Variants in SND1 observed in about 807,000 individuals in gnomAD.
SND1 encodes the protein staphylococcal nuclease and tudor domain containing 1.
SND1 carries 38 observed loss-of-function variants against 121.7 expected under a neutral mutation model. The observed-to-expected ratio is 0.31, with a 90% CI of 0.24 to 0.41. The LOEUF is 0.41. Ranked by LOEUF, SND1 falls within the 10% of genes least tolerant of loss-of-function variation. The probability of loss-of-function intolerance (pLI) is 1.00; values close to 1 mark genes in which losing one functional copy is unlikely to be tolerated. For synonymous variants in SND1, 401 were observed against 447.4 expected (o/e 0.90, Z 1.31); for missense variants, 868 against 1,184.6 (o/e 0.73, Z 3.92).
At chr7:128,016,485 G>A (rs1415785441) in intron 16 of SND1, among the ~76,000 whole-genome samples, 2 of 152,288 alleles carry the variant, frequency 1.3e-5, no homozygotes, top group African/African-American at 4.8e-5. Flanking sequence ...GAAACCAGTC[G>A]TTTGGTGAGC....
At chr7:128,026,327 A>T (rs1193008198) in intron 16 of SND1, among the ~76,000 whole-genome samples, 2 of 152,192 alleles carry the variant, frequency 1.3e-5, no homozygotes, top group African/African-American at 4.8e-5. Flanking sequence ...GCCCATACAT[A>T]TGTGCTGGCA....
intron 12 of SND1, among the ~76,000 whole-genome samples, chr7:127,878,598 T>C (rs1799732980): frequency 6.6e-6 from 1 of 152,106 alleles, no homozygotes; most frequent in Non-Finnish European, 1.5e-5. Context: ...AGCATTTGTA[T>C]TTTTCTCCGT....
At chr7:127,931,776 A>T (rs1283464476) in intron 15 of SND1, among the ~76,000 whole-genome samples, 1 of 152,228 alleles carries the variant, frequency 6.6e-6, no homozygotes, top group African/African-American at 2.4e-5. Flanking sequence ...CTTAAGAATG[A>T]TGCTAAATCT....
At chr7:127,721,904 T>C (rs1287514280) in intron 10 of SND1, among the ~76,000 whole-genome samples, 9 of 152,198 alleles carry the variant, frequency 5.9e-5, no homozygotes, top group Non-Finnish European at 1.3e-4. Context: ...AGTTAAACTG[T>C]TTGCTATTTT....
At chr7:127,767,326 A>G (rs956125467) in intron 10 of SND1, among the ~76,000 whole-genome samples, 4 of 152,188 alleles carry the variant, frequency 2.6e-5, no homozygotes, top group African/African-American at 9.7e-5. Flanking sequence ...GTGGGGGCCC[A>G]GCTTCCTATC....
intron 16 of SND1, among the ~76,000 whole-genome samples, chr7:128,004,009 AAC>A (rs1302728395): frequency 1.3e-5 from 2 of 150,828 alleles, no homozygotes; most frequent in African/African-American, 4.9e-5. Context: ...TTTCCACTCT[AAC>A]ACATCAGCAG....
At chr7:128,002,835 C>T (rs1180944414) in intron 16 of SND1, among the ~76,000 whole-genome samples, 1 of 152,186 alleles carries the variant, frequency 6.6e-6, no homozygotes, top group Non-Finnish European at 1.5e-5. Flanking sequence ...CACAACAATC[C>T]AGGATTGCCA....
intron 13 of SND1, among the ~76,000 whole-genome samples, chr7:127,893,438 T>C (rs1260631696): frequency 6.6e-6 from 1 of 152,152 alleles, no homozygotes; most frequent in Non-Finnish European, 1.5e-5. Flanking sequence ...AATCTGGCTC[T>C]TTGCAGGAAA....
chr7:127,980,032 T>G (rs1338266111), intron 15 of SND1, among the ~76,000 whole-genome samples: 1 of 152,206 alleles, frequency 6.6e-6, no homozygotes, highest in African/African-American at 2.4e-5. Flanking sequence ...GCTTGGCCTG[T>G]GCTCTTGGAG....
chr7:127,906,592 A>G (rs1010021586), intron 14 of SND1, among the ~76,000 whole-genome samples: 3 of 152,194 alleles, frequency 2.0e-5, no homozygotes, highest in African/African-American at 7.2e-5. Flanking sequence ...CCAAAAACTT[A>G]TGTGGGGCCC....
chr7:127,748,737 G>A (rs1797024715), intron 10 of SND1, among the ~76,000 whole-genome samples: 2 of 152,210 alleles, frequency 1.3e-5, no homozygotes, highest in Admixed American at 1.3e-4. Context: ...GCAGGAGAAA[G>A]TGTTTCAGGA....
In SND1 at chr7:128,014,989, T is replaced by C. The variant is rs188303339; in HGVS notation, c.1779+23933T>C. Among the ~76,000 whole-genome samples, 635 of 152,356 alleles carry C rather than the reference T, an allele frequency of 4.2e-3. 5 individuals are homozygous for C. The highest frequency in any genetic ancestry group is 7.1e-3 in the Non-Finnish European group (480 of 68,036). On this transcript the variant is annotated intron_variant, in intron 16 of 23. Transcript: ENST00000354725. ...ATATCTTGTCAGATATTTCAAGCTT[T>C]AAGTCCTTATTCGTGCTCTGCCTAC...
At chr7:127,751,892 G>A (rs1465820783) in intron 10 of SND1, among the ~76,000 whole-genome samples, 3 of 152,226 alleles carry the variant, frequency 2.0e-5, no homozygotes, top group Admixed American at 6.5e-5. Context: ...GATGAGGCAC[G>A]ACGCTTCCCC....
In SND1 at chr7:127,694,871, T is replaced by C; in HGVS notation, c.272T>C (p.Ile91Thr). ...CGAGAGTTCCTTCGAAAGAAGCTGA[T>C]TGGGAAGGAAGTCTGTTTCACGATA... ...PAREFLRKKL[I>T]GKEVCFTIEN... is the part of the protein sequence containing the mutation. The change falls in exon 3 of 24, where the codon ATT becomes ACT. Residue 91 changes from isoleucine (I) to threonine (T), a missense_variant. Around this residue, in one of 2 missense-constraint regions of SND1, gnomAD observed 743 missense variants for 1,071.3 expected, o/e 0.69. Coordinates refer to ENST00000354725, the MANE Select transcript of SND1 (RefSeq NM_014390.4). 2 of 1,613,996 alleles carry C rather than the reference T, an allele frequency of 1.2e-6. No homozygotes were observed. Among genetic ancestry groups the C allele is most frequent in the Non-Finnish European group, 8.5e-7 (1 of 1,179,906 alleles).
intron 10 of SND1, among the ~76,000 whole-genome samples, chr7:127,793,921 G>A (rs1036504690): frequency 1.3e-4 from 20 of 152,224 alleles, no homozygotes; most frequent in African/African-American, 4.8e-4. Flanking sequence ...AGTTTGTTAC[G>A]GTCCCTTCAC....
chr7:127,832,052 G>T (rs1225732898), intron 11 of SND1, among the ~76,000 whole-genome samples: 2 of 152,166 alleles, frequency 1.3e-5, no homozygotes, highest in Non-Finnish European at 2.9e-5. Flanking sequence ...TTCCATAGCA[G>T]AATGTGTAGC....
chr7:127,844,822 A>G (rs527578219), intron 12 of SND1, among the ~76,000 whole-genome samples: 1 of 152,244 alleles, frequency 6.6e-6, no homozygotes, highest in African/African-American at 2.4e-5. Context: ...TTAATTGGAC[A>G]TTTTCTTGTA....
At chr7:127,777,483 A>G (rs551612089) in intron 10 of SND1, among the ~76,000 whole-genome samples, 4 of 152,328 alleles carry the variant, frequency 2.6e-5, no homozygotes, top group South Asian at 2.1e-4. Context: ...TTAATTGGAT[A>G]AATTGAAGAG....
intron 10 of SND1, among the ~76,000 whole-genome samples, chr7:127,790,929 A>G (rs1403804133): frequency 6.6e-6 from 1 of 152,194 alleles, no homozygotes; most frequent in African/African-American, 2.4e-5. Context: ...CTTGTTCAGC[A>G]AGCAGTTTGG....
Sources: allele counts gnomAD v4.1 joint callset (sites outside exome capture counted in the v4.1 genomes callset), GRCh38; gene constraint gnomAD v4.1.1; regional missense constraint gnomAD v4.1.1; transcripts MANE v1.5; gene names NCBI Gene and HGNC (gene_info 2026-07-23, HGNC 2026-07-21).